Variants in TMEM232 observed in about 807,000 individuals in gnomAD.
The protein encoded by TMEM232 is transmembrane protein 232.
TMEM232 carries 80 observed loss-of-function variants against 78.8 expected under a neutral mutation model. The observed-to-expected ratio is 1.01, with a 90% confidence interval of 0.85 to 1.22. TMEM232 has a LOEUF of 1.22. Among genes scored for constraint, TMEM232 ranks in the 50% most tolerant of loss-of-function variants. TMEM232 has a pLI of 0.00. For missense variants in TMEM232, 881 were observed against 742.2 expected (o/e 1.19, Z -2.17); for synonymous variants, 297 against 254.3 (o/e 1.17, Z -1.60).
At chr5:110,710,256 A>T (rs906014854) in intron 1 of TMEM232, among the ~76,000 whole-genome samples, 1 of 152,128 alleles carries the variant, frequency 6.6e-6, no homozygotes, top group Non-Finnish European at 1.5e-5. Context: ...AATAATATCA[A>T]ATCCATAATA....
intron 12 of TMEM232, among the ~76,000 whole-genome samples, chr5:110,491,312 C>A (rs1345267835): frequency 6.6e-6 from 1 of 151,684 alleles, no homozygotes; most frequent in African/African-American, 2.4e-5. Context: ...TTAAAAAGAC[C>A]GATAATAACA....
At chr5:110,707,484 T>C in intron 1 of TMEM232, among the ~76,000 whole-genome samples, 1 of 152,202 alleles carries the variant, frequency 6.6e-6, no homozygotes, top group East Asian at 1.9e-4. Context: ...TAGGAGGGAA[T>C]CACCCATCCC....
At chr5:110,699,978 ATT>A (rs778977351) in intron 1 of TMEM232, among the ~76,000 whole-genome samples, 1 of 152,090 alleles carries the variant, frequency 6.6e-6, no homozygotes, top group Non-Finnish European at 1.5e-5. Context: ...GAACCTGACT[ATT>A]GAGATTTATA....
intron 2 of TMEM232, among the ~76,000 whole-genome samples, chr5:110,661,016 C>G (rs543267467): frequency 1.3e-5 from 2 of 152,292 alleles, no homozygotes; most frequent in South Asian, 4.1e-4. Context: ...CTTCTGGTAA[C>G]CATCATTCTA....
chr5:110,431,074 C>G (rs1166345563), intron 12 of TMEM232, among the ~76,000 whole-genome samples: 3 of 151,198 alleles, frequency 2.0e-5, no homozygotes, highest in Non-Finnish European at 4.4e-5. Context: ...GTTGACAAAG[C>G]AAAAAAGAGT....
chr5:110,676,959 C>T (rs1196434925), intron 1 of TMEM232, among the ~76,000 whole-genome samples: 1 of 151,912 alleles, frequency 6.6e-6, no homozygotes, highest in Non-Finnish European at 1.5e-5. Flanking sequence ...CGAGGATTCA[C>T]CATGTTGGTC....
rs1398474392 is a variant in TMEM232 at position 110,618,514 on chromosome 5, A to T, written c.817T>A (p.Ser273Thr). Residue 273 changes from serine to threonine, a missense_variant, in exon 8 of 14, where the codon TCT becomes ACT. Physicochemically the swap from Ser to Thr is moderately conservative, Grantham distance 58. Transcript: ENST00000455884. ...TGAGGACTGTTATTCTGAACACAAG[A>T]CCAAGCAGCAACACAGTGCCAGAGC... ...HLLWHCVAAW[S>T]CVQNNSPQLN... The T allele has an allele frequency of 6.4e-7, 1 of 1,551,708 alleles. No homozygotes were observed. The highest frequency in any genetic ancestry group is 8.7e-7 in the Non-Finnish European group (1 of 1,146,858).
intron 10 of TMEM232, among the ~76,000 whole-genome samples, chr5:110,578,623 A>G (rs566453747): frequency 6.6e-6 from 1 of 151,966 alleles, no homozygotes; most frequent in South Asian, 2.1e-4. Flanking sequence ...AATATTTCCT[A>G]CTTCATCCCA....
chr5:110,414,494 A>T (rs922634679), intron 2 of TMEM232, among the ~76,000 whole-genome samples: 2 of 152,166 alleles, frequency 1.3e-5, no homozygotes, highest in Non-Finnish European at 2.9e-5. Context: ...AAAGAGGCAA[A>T]TTTAATTTTA....
At chr5:110,582,211 T>A (rs1031283409) in intron 10 of TMEM232, among the ~76,000 whole-genome samples, 1 of 151,918 alleles carries the variant, frequency 6.6e-6, no homozygotes, top group Non-Finnish European at 1.5e-5. Context: ...CATGCACTTG[T>A]ACATTCATTG....
In TMEM232 at chr5:110,712,918, C is replaced by A. The variant is rs528941038; in HGVS notation, c.-13+13709G>T. Among the ~76,000 whole-genome samples the A allele has an allele frequency of 3.9e-5, 6 of 152,090 alleles. No individual in the cohort carries two copies. In the East Asian group the frequency reaches 1.2e-3, roughly 29 times the overall value. Reference sequence around the variant, plus strand: ...CAATATAACTGCTGTGTATATACCCCAAAGAAGGGAAATTAGTATATCAAA... The same window carrying A: ...CAATATAACTGCTGTGTATATACCCAAAAGAAGGGAAATTAGTATATCAAA... On this transcript the variant is annotated intron_variant, in intron 1 of 13. Transcript: ENST00000455884.
At chr5:110,526,393 CA>C (rs985392861) in intron 12 of TMEM232, among the ~76,000 whole-genome samples, 5 of 150,396 alleles carry the variant, frequency 3.3e-5, no homozygotes, top group East Asian at 2.0e-4. Flanking sequence ...AAAAAATGGG[CA>C]AAAAAAATAA....
At chr5:110,492,023 C>A (rs999142978) in intron 12 of TMEM232, among the ~76,000 whole-genome samples, 7 of 151,722 alleles carry the variant, frequency 4.6e-5, no homozygotes, top group Admixed American at 3.9e-4. Context: ...TGCAATCATA[C>A]AGACAATTGC....
intron 1 of TMEM232, among the ~76,000 whole-genome samples, chr5:110,685,894 A>G (rs1384160260): frequency 6.6e-6 from 1 of 152,134 alleles, no homozygotes; most frequent in Non-Finnish European, 1.5e-5. Context: ...GCCAAACACA[A>G]AAGTGTACAT....
At chr5:110,683,655 T>C (rs1793036369) in intron 1 of TMEM232, among the ~76,000 whole-genome samples, 2 of 151,910 alleles carry the variant, frequency 1.3e-5, no homozygotes. Context: ...TATTATGCCT[T>C]TTTAGAGTTT....
At position 110,528,802 on chromosome 5, in the gene TMEM232, T is replaced by C; in HGVS notation, c.1489A>G (p.Arg497Gly). ...TTTGATGAAATATTTGTACTATATCTAGTGAAAGGATCAGTTGGGTCATTT... is the reference window on the plus strand; with the variant it reads ...TTTGATGAAATATTTGTACTATATCCAGTGAAAGGATCAGTTGGGTCATTT... Reference protein sequence around the residue: ...ELNDPTDPFTRYSTNISSNVG... With the variant: ...ELNDPTDPFTGYSTNISSNVG... Residue 497 changes from arginine to glycine, a missense_variant, in exon 12 of 14, where the codon AGA becomes GGA. Physicochemically the swap from Arg to Gly is moderately radical, Grantham distance 125 (BLOSUM62 -2). Transcript: ENST00000455884. 4.6e-6 allele frequency: 7 copies of C among 1,518,332 alleles called. No homozygotes were observed. The highest frequency in any genetic ancestry group is 5.3e-6 in the Non-Finnish European group (6 of 1,137,810). 94.1% of individuals were successfully genotyped at this position (1,518,332 alleles called of 1,614,324 possible).
intron 13 of TMEM232, among the ~76,000 whole-genome samples, chr5:110,421,615 C>A (rs1191716441): frequency 6.6e-6 from 1 of 152,002 alleles, no homozygotes; most frequent in Non-Finnish European, 1.5e-5. Context: ...TGCATATACA[C>A]AAATGATCAG....
intron 12 of TMEM232, among the ~76,000 whole-genome samples, chr5:110,497,693 C>A (rs1233569621): frequency 6.6e-6 from 1 of 152,160 alleles, no homozygotes; most frequent in East Asian, 1.9e-4. Flanking sequence ...TACCTCAATA[C>A]GTAGAACTTT....
chr5:110,644,216 G>A (rs1284133974), intron 2 of TMEM232, among the ~76,000 whole-genome samples: 1 of 151,854 alleles, frequency 6.6e-6, no homozygotes, highest in Non-Finnish European at 1.5e-5. Context: ...AACACTGGCT[G>A]AAAATTGTTT....
Sources: allele counts gnomAD v4.1 joint callset (sites outside exome capture counted in the v4.1 genomes callset), GRCh38; gene constraint gnomAD v4.1.1; transcripts MANE v1.5; gene names NCBI Gene and HGNC (gene_info 2026-07-23, HGNC 2026-07-21).